CLEC2L: variants seen among roughly 807,000 people sequenced by gnomAD.
The protein encoded by CLEC2L is C-type lectin domain family 2 member L.
Under a neutral mutation model 23.6 loss-of-function variants are expected in CLEC2L, and 14 were observed. The ratio of observed to expected loss-of-function variants is 0.59; its 90% confidence interval spans 0.39 to 0.93. The LOEUF is 0.93. Among genes scored for constraint, CLEC2L ranks in the 40% least tolerant of loss-of-function variants. CLEC2L has a pLI of 0.00. For synonymous variants in CLEC2L, 114 were observed against 121.3 expected, an observed-to-expected ratio of 0.94 and a Z score of 0.40; for missense variants, 264 against 282.4, an observed-to-expected ratio of 0.93 and a Z score of 0.47.
Position 139,540,616 on chromosome 7 carries a change from C to A in CLEC2L, c.432+129C>A. 1 of 1,036,824 alleles carries A rather than the reference C, an allele frequency of 9.6e-7. No individual in the cohort carries two copies. Among genetic ancestry groups the A allele is most frequent in the Non-Finnish European group, 1.4e-6 (1 of 696,722 alleles). 64.2% of individuals were successfully genotyped at this position (1,036,824 alleles called of 1,614,324 possible). ...ACACGTCTCCAAAGCCGCCCACCTG[C>A]TGCATAACCACTTGGGGTGCAGGCA... is the stretch of plus-strand genomic sequence containing the variant. On this transcript the variant is annotated intron_variant, in intron 3 of 4. Transcript: ENST00000422142. The surrounding 1 kb of genome is among the most constrained non-coding windows in gnomAD (Gnocchi z 5.8).
At chr7:139,534,696 T>C (rs1797628117) in intron 1 of CLEC2L, 2 of 407,742 alleles carry the variant, frequency 4.9e-6, no homozygotes, top group Non-Finnish European at 8.8e-6. Flanking sequence ...TTAGATGAAA[T>C]GTGAAGTTCT....
rs1368289550 is a variant in CLEC2L, at chr7:139,540,553, G to T, written c.432+66G>T. 9 of 1,524,174 alleles carry T rather than the reference G, an allele frequency of 5.9e-6. No individual in the cohort carries two copies. The Admixed American group carries it at 1.6e-4, about 27-fold the overall frequency. 94.4% of individuals were successfully genotyped at this position (1,524,174 alleles called of 1,614,324 possible). A position where few individuals can be genotyped will look rare whatever the true frequency, so the allele number is the denominator to read the frequency against. The stretch of plus-strand genomic sequence containing the variant: ...TCAGGGCCCCCAACCTTGACTCTAG[G>T]GGACAGCCACACAGTAAAGGATGCA... On this transcript the variant is annotated intron_variant, in intron 3 of 4. Transcript: ENST00000422142. This position sits in a 1 kb window ranked among gnomAD's most constrained non-coding sequence, Gnocchi z 5.8.
intron 4 of CLEC2L, among the ~76,000 whole-genome samples, chr7:139,542,988 G>T (rs1355901074): frequency 6.6e-6 from 1 of 152,108 alleles, no homozygotes; most frequent in Non-Finnish European, 1.5e-5. Context: ...GTGGGGTGGG[G>T]AACACAGCTC....
chr7:139,530,767 C>T (rs1459777535), intron 1 of CLEC2L, among the ~76,000 whole-genome samples: 5 of 142,840 alleles, frequency 3.5e-5, no homozygotes, highest in East Asian at 2.1e-4. Context: ...GAGCTGAGAT[C>T]GCACCACTGT....
chr7:139,527,829 T>C (rs779552365), intron 1 of CLEC2L, among the ~76,000 whole-genome samples: 2 of 152,198 alleles, frequency 1.3e-5, no homozygotes, highest in African/African-American at 4.8e-5. Flanking sequence ...ACCACACACA[T>C]GCTTTTAGCC....
intron 1 of CLEC2L, among the ~76,000 whole-genome samples, chr7:139,528,740 G>A (rs1797539256): frequency 6.6e-6 from 1 of 152,208 alleles, no homozygotes; most frequent in Admixed American, 6.5e-5. Context: ...TAAAGGCAGA[G>A]ATTGGACTGA....
chr7:139,540,488 G>C lies in CLEC2L; in HGVS notation c.432+1G>C. On this transcript the variant is annotated splice_donor_variant, in intron 3 of 4. Transcript: ENST00000422142. LOFTEE classifies it high-confidence loss of function. The surrounding 1 kb of genome is among the most constrained non-coding windows in gnomAD (Gnocchi z 5.8). ...TGTGATTCAGAGCCAGAAGGAGCTG[G>C]TGAGTGTGCCAAGGTGAAGGGGGTT... 6.3e-7 allele frequency: 1 copy of C among 1,585,448 alleles called. No homozygotes were observed. The highest frequency in any genetic ancestry group is 8.6e-7 in the Non-Finnish European group (1 of 1,166,280).
chr7:139,534,887 G>A (rs141227342), intron 1 of CLEC2L, among the ~76,000 whole-genome samples: 123 of 151,622 alleles, frequency 8.1e-4, no homozygotes, highest in Non-Finnish European at 1.5e-3. Context: ...TTCAAGATGG[G>A]GTGGGGGATG....
intron 1 of CLEC2L, chr7:139,534,245 C>T: frequency 8.8e-7 from 1 of 1,141,390 alleles, no homozygotes; most frequent in Non-Finnish European, 1.3e-6. Context: ...GGCGCGATGT[C>T]TCACACCATT....
chr7:139,526,316 TAGGA>T (rs1797505485), intron 1 of CLEC2L, among the ~76,000 whole-genome samples: 2 of 151,950 alleles, frequency 1.3e-5, no homozygotes, highest in Admixed American at 1.3e-4. Flanking sequence ...TTGTCCCATG[TAGGA>T]ACTGAGCCCT....
Position 139,544,978 on chromosome 7 carries a change from A to G in CLEC2L, c.*636A>G, listed in dbSNP as rs1298972682. ...TGGTCACTAACGGAATAAAGAGTTA[A>G]TATCTCATGTCCAGAGAAGTCTGCC... is the stretch of plus-strand genomic sequence containing the variant. On this transcript the variant is annotated 3_prime_UTR_variant, in exon 5 of 5. Coordinates refer to ENST00000422142, the MANE Select transcript of CLEC2L (RefSeq NM_001080511.4). 2 of 152,308 alleles carry G rather than the reference A, an allele frequency of 1.3e-5. No homozygotes were observed. The highest frequency in any genetic ancestry group is 2.4e-5 in the African/African-American group (1 of 41,460). 9.4% of individuals were successfully genotyped at this position (152,308 alleles called of 1,614,324 possible).
chr7:139,539,902 C>T lies in CLEC2L; in HGVS notation c.266-419C>T, dbSNP rs1372695352. ...AAATGAAAAGAACTTCCCAGCAGTT[C>T]AGTGGTGGAATGGCAGCCTTGGTAG... On this transcript the variant is annotated intron_variant, in intron 2 of 4. Transcript: ENST00000422142. The surrounding 1 kb of genome is among the most constrained non-coding windows in gnomAD (Gnocchi z 4.1). 1 of 190,644 alleles carries T rather than the reference C, an allele frequency of 5.2e-6. No homozygotes were observed. Among genetic ancestry groups the T allele is most frequent in the Non-Finnish European group, 1.1e-5 (1 of 92,368 alleles). The allele number at this position is 190,644 out of a possible 1,614,324, so 11.8% of individuals were successfully genotyped here.
intron 1 of CLEC2L, chr7:139,534,684 T>C (rs761897309): frequency 7.0e-6 from 3 of 428,172 alleles, no homozygotes; most frequent in Non-Finnish European, 1.3e-5. Context: ...AGATTGGCTG[T>C]ATTAGATGAA....
Position 139,534,439 on chromosome 7 carries a change from T to TCAGCTGC in CLEC2L, c.191-1833_191-1827dup. The TCAGCTGC allele has an allele frequency of 5.8e-6, 5 of 861,964 alleles. No homozygotes were observed. The South Asian group carries it at 6.6e-5, about 11-fold the overall frequency. 53.4% of individuals were successfully genotyped at this position (861,964 alleles called of 1,614,324 possible). On this transcript the variant is annotated intron_variant, in intron 1 of 4. Transcript: ENST00000422142. Reference sequence around the variant, plus strand: ...GATTTCATCAATGATCTGGCAGACCTCAGCTGCCTGGTTTACCGAGCTGAT... The same window carrying TCAGCTGC: ...GATTTCATCAATGATCTGGCAGACCTCAGCTGCCAGCTGCCTGGTTTACCGAGCTGAT...
At chr7:139,529,916 AGGTTAGCCAGGC>A (rs1457523172) in intron 1 of CLEC2L, among the ~76,000 whole-genome samples, 2 of 151,850 alleles carry the variant, frequency 1.3e-5, no homozygotes, top group Non-Finnish European at 2.9e-5. Context: ...AAAATGCAAT[AGGTTAGCCAGGC>A]GTGGTGATGT....
At chr7:139,542,243 G>A (rs62491677) in intron 4 of CLEC2L, 122 bp downstream of exon 4, 7 of 652,904 alleles carry the variant, frequency 1.1e-5, no homozygotes, top group African/African-American at 9.3e-5. Context: ...TACTAGTCTC[G>A]GGGTCCAGCA....
At position 139,540,143 on chromosome 7, in the gene CLEC2L, G is replaced by C; in HGVS notation, c.266-178G>C. ...TGATGCCCCTGCCAGGCTTCCCACA[G>C]TCCCCTTTCTCATTCATTTAGTGGC... On this transcript the variant is annotated intron_variant, in intron 2 of 4. Transcript: ENST00000422142. This position sits in a 1 kb window ranked among gnomAD's most constrained non-coding sequence, Gnocchi z 5.8. 1 of 614,356 alleles carries C rather than the reference G, an allele frequency of 1.6e-6. No homozygotes were observed. Among genetic ancestry groups the C allele is most frequent in the Non-Finnish European group, 2.8e-6 (1 of 355,500 alleles). The allele number at this position is 614,356 out of a possible 1,614,324, so 38.1% of individuals were successfully genotyped here. A position where few individuals can be genotyped will look rare whatever the true frequency, so the allele number is the denominator to read the frequency against.
chr7:139,533,755 C>A (rs1797613731), intron 1 of CLEC2L, among the ~76,000 whole-genome samples: 1 of 152,152 alleles, frequency 6.6e-6, no homozygotes, highest in Non-Finnish European at 1.5e-5. Flanking sequence ...TTTTTAAAAT[C>A]CTTTGTAAAA....
chr7:139,534,961 TAA>T (rs59159514), intron 1 of CLEC2L, among the ~76,000 whole-genome samples: 5 of 134,320 alleles, frequency 3.7e-5, no homozygotes, highest in Admixed American at 7.5e-5. Flanking sequence ...TGTTCTTTAG[TAA>T]AAAAAAAAAA....
Sources: gnomAD v4.1 joint callset for allele counts (sites outside exome capture counted in the v4.1 genomes callset) on GRCh38, gnomAD v4.1.1 for gene constraint, Gnocchi (gnomAD v3.1) non-coding constraint, MANE v1.5 for transcripts, NCBI Gene and HGNC (gene_info 2026-07-23, HGNC 2026-07-21) for gene names.